The following PDZRN4 variants were observed in gnomAD, a reference collection of about 807,000 sequenced individuals.
The protein encoded by PDZRN4 is PDZ domain containing ring finger 4.
Under a neutral mutation model 99.0 loss-of-function variants are expected in PDZRN4, and 70 were observed. That is an observed-to-expected ratio of 0.71 (90% CI 0.58 to 0.86). The LOEUF (loss-of-function observed/expected upper bound fraction) is 0.86, where lower values mean the gene tolerates loss of function less well. Ranked by LOEUF, PDZRN4 falls within the 40% of genes least tolerant of loss-of-function variation. PDZRN4 has a pLI of 0.00. For synonymous variants in PDZRN4, 551 were observed against 501.6 expected (o/e 1.10, Z -1.32); for missense variants, 1,474 against 1,331.2 (o/e 1.11, Z -1.67).
chr12:41,441,332 T>C (rs1952679378), intron 3 of PDZRN4, among the ~76,000 whole-genome samples: 1 of 152,214 alleles, frequency 6.6e-6, no homozygotes, highest in Non-Finnish European at 1.5e-5. Context: ...CTGTGACTGC[T>C]GTTCTCTTCT....
chr12:41,404,338 G>C (rs1231812422), intron 3 of PDZRN4, among the ~76,000 whole-genome samples: 10 of 152,034 alleles, frequency 6.6e-5, no homozygotes, highest in Non-Finnish European at 1.5e-4. Flanking sequence ...AGAGATAAAA[G>C]TTCCCAGAGA....
chr12:41,277,048 A>G (rs924056776), intron 3 of PDZRN4, among the ~76,000 whole-genome samples: 1 of 152,226 alleles, frequency 6.6e-6, no homozygotes. Flanking sequence ...GTATTCTAAA[A>G]TATAACAATT....
At chr12:41,543,402 C>T (rs1031651581) in intron 5 of PDZRN4, among the ~76,000 whole-genome samples, 1 of 151,942 alleles carries the variant, frequency 6.6e-6, no homozygotes, top group Admixed American at 6.6e-5. Flanking sequence ...GCTGAGTGAC[C>T]TTAAATAAAT....
rs1402982932 is a variant in PDZRN4 at position 41,509,887 on chromosome 12, G to C, written c.1177G>C (p.Asp393His). The change falls in exon 5 of 10, where the codon GAC becomes CAC. Residue 393 changes from aspartate (D) to histidine (H), a missense_variant. Physicochemically the swap from Asp to His is moderately conservative, Grantham distance 81. Coordinates refer to ENST00000402685, the MANE Select transcript of PDZRN4 (RefSeq NM_001164595.2). ...EYISSLPADA[D>H]RTEDFEYEEV... ...TATTTCCAGCTTGCCTGCTGATGCA[G>C]ACAGAACAGAAGACTTTGAATATGA... The C allele has an allele frequency of 6.3e-7, 1 of 1,588,416 alleles. No individual in the cohort carries two copies. The highest frequency in any genetic ancestry group is 2.2e-5 in the East Asian group (1 of 44,474).
At chr12:41,522,408 T>A (rs1388806748) in intron 5 of PDZRN4, among the ~76,000 whole-genome samples, 1 of 152,132 alleles carries the variant, frequency 6.6e-6, no homozygotes, top group African/African-American at 2.4e-5. Context: ...AATGATGAGC[T>A]TTTAGATTTA....
At chr12:41,271,943 TA>T (rs1369074550) in intron 3 of PDZRN4, among the ~76,000 whole-genome samples, 3 of 152,118 alleles carry the variant, frequency 2.0e-5, no homozygotes, top group African/African-American at 7.2e-5. Flanking sequence ...AAAAGATCTT[TA>T]TATTTCAATA....
intron 3 of PDZRN4, among the ~76,000 whole-genome samples, chr12:41,247,428 G>A (rs1951140258): frequency 2.0e-5 from 3 of 152,110 alleles, no homozygotes; most frequent in Non-Finnish European, 4.4e-5. Flanking sequence ...TACACATGCT[G>A]GTACACTCCA....
chr12:41,234,903 G>A (rs181257993), intron 3 of PDZRN4, among the ~76,000 whole-genome samples: 36 of 152,088 alleles, frequency 2.4e-4, no homozygotes, highest in African/African-American at 7.7e-4. Flanking sequence ...GAAGTGGACC[G>A]GCTGAGAGAC....
At position 41,551,285 on chromosome 12, in the gene PDZRN4, C is replaced by T. The variant is rs987910737; in HGVS notation, c.1204-1371C>T. On this transcript the variant is annotated intron_variant, in intron 5 of 9. Coordinates refer to ENST00000402685, the MANE Select transcript of PDZRN4 (RefSeq NM_001164595.2). ...ACTAATCTTTTTCATGAGGGCTCAGCAGTTCTTACGACCTACCAAAGTTGA... is the reference window on the plus strand; with the variant it reads ...ACTAATCTTTTTCATGAGGGCTCAGTAGTTCTTACGACCTACCAAAGTTGA... 3.9e-5 allele frequency among the ~76,000 whole-genome samples: 6 copies of T among 152,048 alleles called. No individual in the cohort carries two copies. The East Asian group carries it at 7.7e-4, about 20-fold the overall frequency.
chr12:41,331,048 T>C (rs1951738467), intron 3 of PDZRN4, among the ~76,000 whole-genome samples: 1 of 152,254 alleles, frequency 6.6e-6, no homozygotes, highest in East Asian at 1.9e-4. Context: ...ATCTAAAATC[T>C]GAATAGACTT....
At chr12:41,385,351 C>T (rs772715292) in intron 3 of PDZRN4, among the ~76,000 whole-genome samples, 10 of 152,042 alleles carry the variant, frequency 6.6e-5, no homozygotes, top group South Asian at 2.1e-4. Flanking sequence ...ACAGCCAAAG[C>T]GAAGTAAAAT....
chr12:41,349,506 G>T (rs561653440), intron 3 of PDZRN4, among the ~76,000 whole-genome samples: 3 of 151,878 alleles, frequency 2.0e-5, no homozygotes, highest in African/African-American at 7.2e-5. Context: ...TTATAAAATA[G>T]GTTATTGAGA....
intron 3 of PDZRN4, among the ~76,000 whole-genome samples, chr12:41,297,310 G>A (rs1951502630): frequency 6.6e-6 from 1 of 152,096 alleles, no homozygotes; most frequent in African/African-American, 2.4e-5. Context: ...ATAGGACAGA[G>A]ACAATAACAT....
At chr12:41,555,052 C>CAAA (rs67810817) in intron 6 of PDZRN4, among the ~76,000 whole-genome samples, 4 of 113,540 alleles carry the variant, frequency 3.5e-5, no homozygotes, top group South Asian at 2.9e-4. Flanking sequence ...ACTAAAAATA[C>CAAA]AAAAAAAAAA....
At chr12:41,390,745 T>C (rs973771245) in intron 3 of PDZRN4, among the ~76,000 whole-genome samples, 1 of 152,048 alleles carries the variant, frequency 6.6e-6, no homozygotes, top group African/African-American at 2.4e-5. Flanking sequence ...GGAGGTAAGA[T>C]TTTGCAAGCT....
chr12:41,346,016 T>C lies in PDZRN4; in HGVS notation c.843+151828T>C, dbSNP rs536620705. Among the ~76,000 whole-genome samples the C allele has an allele frequency of 6.2e-4, 95 of 152,268 alleles. 1 individual carries two copies. Among genetic ancestry groups the C allele is most frequent in the African/African-American group, 2.3e-3 (94 of 41,572 alleles). ...GGAGGATATTCAGTCTGTGTTAAAC[T>C]TTATGTTTTCTCATTTAATCTTGAA... is the stretch of plus-strand genomic sequence containing the variant. On this transcript the variant is annotated intron_variant, in intron 3 of 9. Transcript: ENST00000402685.
chr12:41,540,125 A>G (rs1257958291), intron 5 of PDZRN4, among the ~76,000 whole-genome samples: 2 of 152,222 alleles, frequency 1.3e-5, no homozygotes, highest in African/African-American at 4.8e-5. Flanking sequence ...AAAATGTAGA[A>G]CCTACCAAAT....
intron 3 of PDZRN4, among the ~76,000 whole-genome samples, chr12:41,414,681 C>G (rs1952428831): frequency 6.6e-6 from 1 of 151,874 alleles, no homozygotes; most frequent in African/African-American, 2.4e-5. Flanking sequence ...AAAGAGCTTA[C>G]TTAGTGAAGC....
At chr12:41,476,634 A>G (rs1212808090) in intron 3 of PDZRN4, among the ~76,000 whole-genome samples, 1 of 152,174 alleles carries the variant, frequency 6.6e-6, no homozygotes, top group Non-Finnish European at 1.5e-5. Context: ...TGTTTGTTGT[A>G]TTTATGAAAA....
Sources: allele counts gnomAD v4.1 joint callset (sites outside exome capture counted in the v4.1 genomes callset), GRCh38; gene constraint gnomAD v4.1.1; transcripts MANE v1.5; gene names NCBI Gene and HGNC (gene_info 2026-07-23, HGNC 2026-07-21).